Variants in CAPN9 observed in about 807,000 individuals in gnomAD.
CAPN9 encodes calpain-9.
A neutral mutation model predicts 92.8 loss-of-function variants in CAPN9; 81 were observed. The ratio of observed to expected loss-of-function variants is 0.87; its 90% CI spans 0.73 to 1.05. CAPN9 has a LOEUF of 1.05. Among genes scored for constraint, CAPN9 ranks in the 50% least tolerant of loss-of-function variants. The pLI, the probability that CAPN9 is intolerant of heterozygous loss-of-function variation, is 0.00. For synonymous variants in CAPN9, 304 were observed against 328.0 expected, an observed-to-expected ratio of 0.93 and a Z score of 0.79; for missense variants, 848 against 866.2, an observed-to-expected ratio of 0.98 and a Z score of 0.26.
intron 11 of CAPN9, among the ~76,000 whole-genome samples, chr1:230,783,215 A>G (rs986481300): frequency 1.3e-5 from 2 of 152,214 alleles, no homozygotes; most frequent in Non-Finnish European, 2.9e-5. Context: ...CTATTCTACA[A>G]AACACTTTAT....
Position 230,767,849 on chromosome 1 carries a change from C to T in CAPN9, c.705+140C>T, listed in dbSNP as rs28359645. The T allele has an allele frequency of 8.9e-3, 5,959 of 666,578 alleles. 255 individuals are homozygous for T. In the African/African-American group the frequency reaches 0.094, roughly 10 times the overall value. The allele number at this position is 666,578 out of a possible 1,614,324, so 41.3% of individuals were successfully genotyped here. A position where few individuals can be genotyped will look rare whatever the true frequency, so the allele number is the denominator to read the frequency against. ...CTCTTGGGGGCAGTGTTTATTCCTG[C>T]TAATTAAAACACAAGTTTTGGGGGG... On this transcript the variant is annotated intron_variant, in intron 5 of 19. Coordinates refer to ENST00000271971, the MANE Select transcript of CAPN9 (RefSeq NM_006615.3).
At chr1:230,751,574 GAAGA>G (rs1664776170) in intron 1 of CAPN9, among the ~76,000 whole-genome samples, 1 of 82,562 alleles carries the variant, frequency 1.2e-5, no homozygotes, top group Non-Finnish European at 2.2e-5. Context: ...AAGAAAGAAA[GAAGA>G]AAGAAACAAA....
chr1:230,783,889 G>C (rs542934969), intron 11 of CAPN9, among the ~76,000 whole-genome samples: 98 of 152,350 alleles, frequency 6.4e-4, no homozygotes, highest in African/African-American at 2.2e-3. Flanking sequence ...TGGCCTAACT[G>C]TTGACAGTGA....
At position 230,772,138 on chromosome 1, in the gene CAPN9, G is replaced by A. The variant is rs756816760; in HGVS notation, c.875+39G>A. ...TCCTGCCTCTCTGGCTGGTTCCCGG[G>A]GCGTGTGGGGCCAGAGCTGGCTTGT... On this transcript the variant is annotated intron_variant, in intron 7 of 19. Coordinates refer to ENST00000271971, the MANE Select transcript of CAPN9 (RefSeq NM_006615.3). 7 of 1,545,704 alleles carry A rather than the reference G, an allele frequency of 4.5e-6. No individual in the cohort carries two copies. The African/African-American group carries it at 6.8e-5, about 15-fold the overall frequency.
At chr1:230,751,857 G>T (rs1254595917) in intron 1 of CAPN9, among the ~76,000 whole-genome samples, 1 of 149,246 alleles carries the variant, frequency 6.7e-6, no homozygotes, top group Non-Finnish European at 1.5e-5. Context: ...GCTGTGGGGT[G>T]GGGGAGGGGA....
intron 19 of CAPN9, among the ~76,000 whole-genome samples, chr1:230,800,233 AGAAAG>A (rs1467200261): frequency 9.6e-5 from 3 of 31,312 alleles, no homozygotes; most frequent in East Asian, 1.4e-3. Flanking sequence ...GAAAGAAAGA[AGAAAG>A]AAAGAAAGAA....
intron 1 of CAPN9, among the ~76,000 whole-genome samples, chr1:230,751,677 A>G (rs950575998): frequency 1.5e-5 from 2 of 135,670 alleles, no homozygotes; most frequent in Admixed American, 1.5e-4. Flanking sequence ...GAAAGAAAGA[A>G]AGAAAGAAGG....
At chr1:230,772,189 C>T (rs1055472748) in intron 7 of CAPN9, 90 bp downstream of exon 7, 14 of 1,048,430 alleles carry the variant, frequency 1.3e-5, no homozygotes, top group Middle Eastern at 4.2e-4. Context: ...AGTGGCCTGT[C>T]TACTATCCTC....
At chr1:230,762,627 A>C (rs1331775519) in intron 3 of CAPN9, 26 bp from the exon 4 acceptor site, 4 of 1,611,756 alleles carry the variant, frequency 2.5e-6, no homozygotes, top group African/African-American at 1.3e-5. Flanking sequence ...GACTCGCATC[A>C]TTTCTGTCTT....
intron 1 of CAPN9, among the ~76,000 whole-genome samples, chr1:230,751,631 GAA>G (rs1188356158): frequency 4.6e-5 from 4 of 86,582 alleles, no homozygotes; most frequent in African/African-American, 2.3e-4. Flanking sequence ...AAGAAAGAAA[GAA>G]AGAAAGAAAG....
At chr1:230,791,788 A>G in intron 14 of CAPN9, 76 bp from the exon 15 acceptor site, 1 of 1,123,624 alleles carries the variant, frequency 8.9e-7, no homozygotes, top group Admixed American at 1.7e-5. Flanking sequence ...TAGCCACATT[A>G]TTGGGCTTTC....
In CAPN9 at chr1:230,767,632, A is replaced by G; in HGVS notation, c.628A>G (p.Lys210Glu). ...TGGVAETFQT[K>E]EAPENFYEIL... Reference sequence around the variant, plus strand: ...GGGTGTGGCAGAGACCTTCCAAACTAAAGAGGCCCCCGAGAACTTCTATGA... The same window carrying G: ...GGGTGTGGCAGAGACCTTCCAAACTGAAGAGGCCCCCGAGAACTTCTATGA... The change falls in exon 5 of 20, where the codon AAA becomes GAA. Residue 210 changes from lysine (K) to glutamate (E), a missense_variant. Coordinates refer to ENST00000271971, the MANE Select transcript of CAPN9 (RefSeq NM_006615.3). The G allele has an allele frequency of 6.2e-7, 1 of 1,613,878 alleles. No individual in the cohort carries two copies. The highest frequency in any genetic ancestry group is 8.5e-7 in the Non-Finnish European group (1 of 1,179,934).
intron 1 of CAPN9, among the ~76,000 whole-genome samples, chr1:230,754,070 C>A (rs889254286): frequency 8.1e-6 from 1 of 123,346 alleles, no homozygotes; most frequent in South Asian, 2.4e-4. Context: ...CAGCTGCAGG[C>A]ACAGTGGGCG....
chr1:230,762,347 A>T (rs1046006346), intron 3 of CAPN9, among the ~76,000 whole-genome samples: 3 of 152,218 alleles, frequency 2.0e-5, no homozygotes, highest in Non-Finnish European at 2.9e-5. Flanking sequence ...AGAAAAACTA[A>T]TTCAGAGCAC....
intron 8 of CAPN9, among the ~76,000 whole-genome samples, chr1:230,775,520 C>T (rs984269267): frequency 2.6e-5 from 4 of 152,242 alleles, no homozygotes; most frequent in African/African-American, 9.6e-5. Context: ...GTTGGCCCTT[C>T]TAACCCTGTG....
At chr1:230,779,796 A>T (rs982689792) in intron 9 of CAPN9, among the ~76,000 whole-genome samples, 8 of 152,162 alleles carry the variant, frequency 5.3e-5, no homozygotes, top group Non-Finnish European at 1.0e-4. Flanking sequence ...GCCCACCATC[A>T]AGTAGATGCC....
At chr1:230,780,379 T>C (rs2102897153) in intron 10 of CAPN9, 43 bp downstream of exon 10, 1 of 1,606,268 alleles carries the variant, frequency 6.2e-7, no homozygotes, top group Non-Finnish European at 8.5e-7. Flanking sequence ...TCCATCTGAG[T>C]TCTAAATTCG....
chr1:230,752,798 C>A, intron 1 of CAPN9: 1 of 663,814 alleles, frequency 1.5e-6, no homozygotes, highest in Non-Finnish European at 1.9e-6. Context: ...ACAGGGAGGG[C>A]TTGGGGGACT....
chr1:230,748,560 C>T lies in CAPN9; in HGVS notation c.213+851C>T, dbSNP rs1015216185. On this transcript the variant is annotated intron_variant, in intron 1 of 19. Coordinates refer to ENST00000271971, the MANE Select transcript of CAPN9 (RefSeq NM_006615.3). ...TTGTCTCATGCATATAGTCATATCA[C>T]TTCATTTCCCTGAGCCTCAGTCTCC... is the stretch of plus-strand genomic sequence containing the variant. 5.9e-5 allele frequency among the ~76,000 whole-genome samples: 9 copies of T among 152,196 alleles called. No homozygotes were observed. In the South Asian group the frequency reaches 8.3e-4, roughly 14 times the overall value.
Sources: gnomAD v4.1 joint callset for allele counts (sites outside exome capture counted in the v4.1 genomes callset) on GRCh38, gnomAD v4.1.1 for gene constraint, MANE v1.5 for transcripts, NCBI Gene and HGNC (gene_info 2026-07-23, HGNC 2026-07-21) for gene names.